Variants in AFG2A observed in about 807,000 individuals in gnomAD.
AFG2A encodes the protein AAA ATPase AFG2A, also known as ATPase family gene 2 protein homolog A.
At chr4:123,016,379 G>A in the AFG2A span, among the ~76,000 whole-genome samples, 1 of 151,292 alleles carries the variant, frequency 6.6e-6, no homozygotes, top group African/African-American at 2.4e-5. Context: ...GCGGTTGCCA[G>A]GCGGAGGGTC....
chr4:123,244,821 C>T, the AFG2A span, among the ~76,000 whole-genome samples: 1 of 152,140 alleles, frequency 6.6e-6, no homozygotes, highest in Non-Finnish European at 1.5e-5. Context: ...CTTCTGTATA[C>T]CTAGTAGGTG....
At chr4:122,958,076 C>G in the AFG2A span, among the ~76,000 whole-genome samples, 2 of 152,070 alleles carry the variant, frequency 1.3e-5, no homozygotes, top group African/African-American at 4.8e-5. Context: ...TTTTTCCACT[C>G]TTTGTTGCCT....
chr4:123,180,198 C>T, the AFG2A span, among the ~76,000 whole-genome samples: 35 of 152,014 alleles, frequency 2.3e-4, no homozygotes, highest in Middle Eastern at 3.2e-3. Flanking sequence ...CCAGCCTGGG[C>T]GACAGAGTGA....
At chr4:123,067,233 A>G in the AFG2A span, among the ~76,000 whole-genome samples, 1 of 152,048 alleles carries the variant, frequency 6.6e-6, no homozygotes, top group African/African-American at 2.4e-5. Flanking sequence ...TTTTAAGAAA[A>G]TGAGGCTGGG....
chr4:123,041,277 ATTTT>A, the AFG2A span, among the ~76,000 whole-genome samples: 6 of 118,178 alleles, frequency 5.1e-5, no homozygotes, highest in African/African-American at 1.9e-4. Context: ...CGCCCAGCTA[ATTTT>A]TTTTTTTTTT....
At chr4:123,186,029 A>G in the AFG2A span, among the ~76,000 whole-genome samples, 2 of 152,242 alleles carry the variant, frequency 1.3e-5, no homozygotes, top group Non-Finnish European at 2.9e-5. Flanking sequence ...GGTGTCACAT[A>G]GGTAATTATT....
the AFG2A span, among the ~76,000 whole-genome samples, chr4:123,237,918 CT>C: frequency 6.6e-6 from 1 of 152,140 alleles, no homozygotes; most frequent in Non-Finnish European, 1.5e-5. Flanking sequence ...TTTCCCTCTC[CT>C]AGCCAAGGGA....
the AFG2A span, among the ~76,000 whole-genome samples, chr4:123,015,357 G>A: frequency 6.6e-6 from 1 of 151,552 alleles, no homozygotes; most frequent in South Asian, 2.1e-4. Context: ...GTGTCCCTGG[G>A]TACTTGAGAT....
the AFG2A span, among the ~76,000 whole-genome samples, chr4:123,112,942 C>T: frequency 6.6e-6 from 1 of 152,000 alleles, no homozygotes; most frequent in Admixed American, 6.6e-5. Flanking sequence ...TTAAGATGAC[C>T]ATTAGTAGTT....
the AFG2A span, among the ~76,000 whole-genome samples, chr4:123,141,684 G>A: frequency 1.6e-4 from 25 of 152,282 alleles, no homozygotes; most frequent in African/African-American, 5.8e-4. Flanking sequence ...TCCGTTGTAA[G>A]TAGAGGCTCG....
chr4:123,012,588 A>G, the AFG2A span, among the ~76,000 whole-genome samples: 1 of 152,168 alleles, frequency 6.6e-6, no homozygotes, highest in Admixed American at 6.5e-5. Flanking sequence ...CCCCGCAGTG[A>G]TTAAACACCG....
At chr4:123,269,457 A>T in the AFG2A span, among the ~76,000 whole-genome samples, 1 of 152,256 alleles carries the variant, frequency 6.6e-6, no homozygotes, top group African/African-American at 2.4e-5. Flanking sequence ...CATGGCTTGC[A>T]TAGTGGGTTG....
the AFG2A span, among the ~76,000 whole-genome samples, chr4:123,205,647 T>A: frequency 1.3e-5 from 2 of 152,112 alleles, no homozygotes; most frequent in Non-Finnish European, 2.9e-5. Context: ...TAAAAAGGAC[T>A]TGAGCATCTG....
the AFG2A span, chr4:122,935,941 A>G: frequency 2.2e-6 from 3 of 1,340,294 alleles, no homozygotes; most frequent in African/African-American, 4.5e-5. Context: ...GATATTTTGT[A>G]CACTGAAATA....
At chr4:123,111,707 ACTTCTTCTT>A in the AFG2A span, among the ~76,000 whole-genome samples, 1 of 150,462 alleles carries the variant, frequency 6.6e-6, no homozygotes, top group African/African-American at 2.5e-5. Context: ...TTTGTATTAT[ACTTCTTCTT>A]CTTCTTCTTC....
At chr4:123,003,718 G>C in the AFG2A span, among the ~76,000 whole-genome samples, 4 of 152,094 alleles carry the variant, frequency 2.6e-5, no homozygotes, top group African/African-American at 9.7e-5. Flanking sequence ...TGCCCCTACT[G>C]GGGGGTGCCT....
At chr4:123,203,612 G>A in the AFG2A span, among the ~76,000 whole-genome samples, 1 of 152,218 alleles carries the variant, frequency 6.6e-6, no homozygotes, top group Admixed American at 6.5e-5. Context: ...TAGTTACACT[G>A]CTTTATGGAT....
chr4:122,992,156 T>C, the AFG2A span, among the ~76,000 whole-genome samples: 1 of 152,244 alleles, frequency 6.6e-6, no homozygotes, highest in African/African-American at 2.4e-5. Flanking sequence ...CTCTTGGAAT[T>C]GCTAAACTGA....
chr4:123,003,800 C>G, the AFG2A span, among the ~76,000 whole-genome samples: 1 of 152,116 alleles, frequency 6.6e-6, no homozygotes, highest in African/African-American at 2.4e-5. Flanking sequence ...TCTCAGATCT[C>G]CAGCTGCGTG....
Sources: allele counts gnomAD v4.1 joint callset (sites outside exome capture counted in the v4.1 genomes callset), GRCh38; gene constraint gnomAD v4.1.1; transcripts MANE v1.5; gene names NCBI Gene and HGNC (gene_info 2026-07-23, HGNC 2026-07-21).